ATRNL1: variants seen among roughly 807,000 people sequenced by gnomAD.
The protein encoded by ATRNL1 is attractin-like protein 1.
ATRNL1 carries 95 observed loss-of-function variants against 182.7 expected under a neutral mutation model. The ratio of observed to expected loss-of-function variants is 0.52; its 90% confidence interval spans 0.44 to 0.62. The LOEUF (loss-of-function observed/expected upper bound fraction) is 0.62. Ranked by LOEUF, ATRNL1 falls within the 20% of genes least tolerant of loss-of-function variation. The pLI, the probability that ATRNL1 is intolerant of heterozygous loss-of-function variation, is 0.00. For synonymous variants in ATRNL1, 576 were observed against 568.3 expected, an observed-to-expected ratio of 1.01 and a Z score of -0.19; for missense variants, 1,471 against 1,679.5, an observed-to-expected ratio of 0.88 and a Z score of 2.17.
At chr10:115,370,091 T>C (rs1857311867) in intron 19 of ATRNL1, among the ~76,000 whole-genome samples, 1 of 152,194 alleles carries the variant, frequency 6.6e-6, no homozygotes, top group Non-Finnish European at 1.5e-5. Context: ...CTGCACAAAA[T>C]CTTTTATCTT....
At chr10:115,315,387 A>C in intron 17 of ATRNL1, 131 bp from the exon 18 acceptor site, 1 of 621,142 alleles carries the variant, frequency 1.6e-6, no homozygotes, top group East Asian at 2.7e-5. Flanking sequence ...GTATTATTGC[A>C]AAAATGTTTG....
chr10:115,617,568 C>T (rs1211290836), intron 26 of ATRNL1, among the ~76,000 whole-genome samples: 1 of 152,074 alleles, frequency 6.6e-6, no homozygotes, highest in Non-Finnish European at 1.5e-5. Flanking sequence ...CCATGTTGGC[C>T]AAGATGGTTG....
chr10:115,265,257 C>G lies in ATRNL1; in HGVS notation c.1752C>G (p.His584Gln). 6.2e-7 allele frequency: 1 copy of G among 1,606,318 alleles called. No homozygotes were observed. Among genetic ancestry groups the G allele is most frequent in the Admixed American group, 1.7e-5 (1 of 59,600 alleles). Residue 584 changes from histidine to glutamine, a missense_variant, in exon 11 of 29, where the codon CAC becomes CAG. His to Gln is a conservative substitution (Grantham distance 24). This residue lies in a region of ATRNL1 where 1,031 missense variants were observed against 1,156.0 expected (regional missense o/e 0.89). Transcript: ENST00000355044. ...NLHRDVNRFGHSAVVINGSMY... is the reference protein window; with the variant it reads ...NLHRDVNRFGQSAVVINGSMY... Reference sequence around the variant, plus strand: ...ATAGAGATGTCAACAGATTTGGACACTCTGCAGTAGTCATTAACGGGTAAA... The same window carrying G: ...ATAGAGATGTCAACAGATTTGGACAGTCTGCAGTAGTCATTAACGGGTAAA...
At position 115,599,525 on chromosome 10, in the gene ATRNL1, C is replaced by T. The variant is rs190426337; in HGVS notation, c.3795+49989C>T. Among the ~76,000 whole-genome samples the T allele has an allele frequency of 2.7e-5, 3 of 111,842 alleles. No individual in the cohort carries two copies. The East Asian group carries it at 6.0e-4, about 22-fold the overall frequency. 73.4% of individuals were successfully genotyped at this position (111,842 alleles called of 152,430 possible). A position where few individuals can be genotyped will look rare whatever the true frequency, so the allele number is the denominator to read the frequency against. On this transcript the variant is annotated intron_variant, in intron 26 of 28. Coordinates refer to ENST00000355044, the MANE Select transcript of ATRNL1 (RefSeq NM_207303.4). ...AAGGATATTTTTAAGTAAAGTAAAC[C>T]CGGATTTTTTTTGTTATTCTACAAG...
intron 27 of ATRNL1, among the ~76,000 whole-genome samples, chr10:115,755,875 A>T (rs1948576178): frequency 6.6e-6 from 1 of 151,866 alleles, no homozygotes; most frequent in Admixed American, 6.6e-5. Context: ...CAGGGATTCG[A>T]CTTCTTCCTG....
intron 20 of ATRNL1, among the ~76,000 whole-genome samples, chr10:115,419,854 C>T (rs1313249154): frequency 1.3e-5 from 2 of 152,018 alleles, no homozygotes; most frequent in South Asian, 2.1e-4. Context: ...CAGCAATGTG[C>T]AGATCGTCCA....
intron 26 of ATRNL1, among the ~76,000 whole-genome samples, chr10:115,600,254 C>G (rs540083101): frequency 4.3e-4 from 65 of 152,200 alleles, no homozygotes; most frequent in African/African-American, 1.5e-3. Context: ...AAAAATTTAA[C>G]TTGAGTAAAT....
At chr10:115,266,186 G>T (rs1275088224) in intron 11 of ATRNL1, among the ~76,000 whole-genome samples, 3 of 151,260 alleles carry the variant, frequency 2.0e-5, no homozygotes, top group Non-Finnish European at 4.4e-5. Context: ...CTGTTTTAAG[G>T]GCATTGGCAC....
At chr10:115,591,535 A>G (rs1350841850) in intron 26 of ATRNL1, among the ~76,000 whole-genome samples, 5 of 152,186 alleles carry the variant, frequency 3.3e-5, no homozygotes, top group African/African-American at 9.7e-5. Context: ...TATCTTTATC[A>G]TACAAGACTT....
chr10:115,932,440 A>G (rs532324787), intron 28 of ATRNL1, among the ~76,000 whole-genome samples: 2 of 152,344 alleles, frequency 1.3e-5, no homozygotes, highest in East Asian at 1.9e-4. Context: ...GCCTTTGGCC[A>G]TTACATTATC....
At chr10:115,477,208 A>G (rs947496325) in intron 24 of ATRNL1, among the ~76,000 whole-genome samples, 1 of 151,604 alleles carries the variant, frequency 6.6e-6, no homozygotes, top group East Asian at 1.9e-4. Flanking sequence ...GAAATTTTAT[A>G]GTAAGTTGTT....
intron 8 of ATRNL1, among the ~76,000 whole-genome samples, chr10:115,195,276 C>T (rs1848317071): frequency 6.6e-6 from 1 of 152,024 alleles, no homozygotes; most frequent in Non-Finnish European, 1.5e-5. Flanking sequence ...TTTAACATTT[C>T]TTATAAGACA....
intron 19 of ATRNL1, among the ~76,000 whole-genome samples, chr10:115,349,803 T>A (rs1172684339): frequency 1.3e-5 from 2 of 152,214 alleles, no homozygotes; most frequent in Non-Finnish European, 2.9e-5. Context: ...TGTATTATTA[T>A]TATTATTTTG....
chr10:115,255,950 C>T (rs1159809002), intron 10 of ATRNL1, among the ~76,000 whole-genome samples: 2 of 152,130 alleles, frequency 1.3e-5, no homozygotes, highest in Non-Finnish European at 2.9e-5. Flanking sequence ...TATTGATTTG[C>T]ATACGTTGAA....
intron 26 of ATRNL1, among the ~76,000 whole-genome samples, chr10:115,672,304 A>G (rs1945721611): frequency 6.6e-6 from 1 of 152,100 alleles, no homozygotes; most frequent in African/African-American, 2.4e-5. Flanking sequence ...CAGCCTAGGA[A>G]GTTGCAGAGC....
At chr10:115,389,562 A>ATATATATG (rs1843891655) in intron 19 of ATRNL1, among the ~76,000 whole-genome samples, 2 of 107,078 alleles carry the variant, frequency 1.9e-5, no homozygotes, top group African/African-American at 7.1e-5. Context: ...ATATATATAT[A>ATATATATG]TATATATATA....
At chr10:115,795,076 T>G (rs1298025935) in intron 27 of ATRNL1, among the ~76,000 whole-genome samples, 1 of 152,212 alleles carries the variant, frequency 6.6e-6, no homozygotes, top group Non-Finnish European at 1.5e-5. Context: ...TTGTACTTTC[T>G]ATGCCTCAGT....
intron 19 of ATRNL1, among the ~76,000 whole-genome samples, chr10:115,366,721 C>CA (rs1274163508): frequency 6.6e-6 from 1 of 151,802 alleles, no homozygotes; most frequent in Non-Finnish European, 1.5e-5. Context: ...CTGGTGGTGA[C>CA]AAAATCGGTT....
intron 9 of ATRNL1, among the ~76,000 whole-genome samples, chr10:115,226,653 G>T (rs1369304706): frequency 1.3e-5 from 2 of 151,910 alleles, no homozygotes; most frequent in Non-Finnish European, 2.9e-5. Flanking sequence ...AAAGCTGGAG[G>T]TATCACACTA....
Sources: gnomAD v4.1 joint callset for allele counts (sites outside exome capture counted in the v4.1 genomes callset) on GRCh38, gnomAD v4.1.1 for gene constraint, gnomAD v4.1.1 regional missense constraint, MANE v1.5 for transcripts, NCBI Gene and HGNC (gene_info 2026-07-23, HGNC 2026-07-21) for gene names.